Variants in HS6ST2 observed in about 807,000 individuals in gnomAD.
HS6ST2 encodes the protein heparan-sulfate 6-O-sulfotransferase 2.
HS6ST2 carries 17 observed loss-of-function variants against 33.0 expected under a neutral mutation model. The ratio of observed to expected loss-of-function variants is 0.52; its 90% CI spans 0.35 to 0.77. HS6ST2 has a LOEUF of 0.77. HS6ST2 is among the 30% of genes least tolerant of loss of function. The pLI, the probability that HS6ST2 is intolerant of heterozygous loss-of-function variation, is 0.01. For missense variants in HS6ST2, 519 were observed against 551.7 expected, an observed-to-expected ratio of 0.94 and a Z score of 0.59; for synonymous variants, 248 against 237.1, an observed-to-expected ratio of 1.05 and a Z score of -0.42.
At chrX:132,740,245 A>G (rs777026798) in intron 2 of HS6ST2, among the ~76,000 whole-genome samples, 1 of 112,707 alleles carries the variant, frequency 8.9e-6, no homozygotes, top group South Asian at 3.7e-4. Flanking sequence ...TTCATTGATT[A>G]CAAGTGAAGT....
rs1023191576 is a variant in HS6ST2 at position 132,817,417 on chromosome X, G to A, written c.948-108923C>T. Among the ~76,000 whole-genome samples, 5 of 111,432 alleles carry A rather than the reference G, an allele frequency of 4.5e-5. No homozygotes were observed. The Admixed American group carries it at 4.8e-4, about 11-fold the overall frequency. On this transcript the variant is annotated intron_variant, in intron 2 of 4. Coordinates refer to ENST00000370833, the MANE Select transcript of HS6ST2 (RefSeq NM_001394073.1). ...GAACAATCTAGTGAGCCAGTTGGGA[G>A]AAGAATGGGCTTGGAAATCAGTGTA...
chrX:132,633,859 C>T (rs2063535849), intron 4 of HS6ST2, among the ~76,000 whole-genome samples: 1 of 111,869 alleles, frequency 8.9e-6, no homozygotes, highest in Non-Finnish European at 1.9e-5. Context: ...TTTATTGGAA[C>T]ATGGCCTGCT....
intron 2 of HS6ST2, among the ~76,000 whole-genome samples, chrX:132,869,480 C>G (rs756382579): frequency 8.9e-6 from 1 of 111,872 alleles, no homozygotes; most frequent in African/African-American, 3.2e-5. Context: ...AAATTTCAGG[C>G]CAATATCCTT....
At chrX:132,956,250 G>A (rs1320653257) in intron 2 of HS6ST2, among the ~76,000 whole-genome samples, 1 of 109,540 alleles carries the variant, frequency 9.1e-6, no homozygotes, top group Admixed American at 9.7e-5. Flanking sequence ...GCGAGAGAGG[G>A]GAATGGAAAG....
intron 2 of HS6ST2, among the ~76,000 whole-genome samples, chrX:132,879,538 T>A (rs1186294814): frequency 8.9e-6 from 1 of 111,933 alleles, no homozygotes; most frequent in East Asian, 2.8e-4. Context: ...AAACCTATAC[T>A]ATTCAACCAC....
At chrX:132,839,720 G>A (rs747475499) in intron 2 of HS6ST2, among the ~76,000 whole-genome samples, 1 of 110,755 alleles carries the variant, frequency 9.0e-6, no homozygotes, top group East Asian at 2.9e-4. Context: ...TTACCTATGA[G>A]GATCAACAAT....
intron 4 of HS6ST2, among the ~76,000 whole-genome samples, chrX:132,649,999 A>G (rs1160325552): frequency 1.8e-5 from 2 of 111,835 alleles, no homozygotes; most frequent in East Asian, 5.6e-4. Context: ...ACTAGAAAGC[A>G]TTTATCAGTG....
At chrX:132,835,917 T>C in intron 2 of HS6ST2, among the ~76,000 whole-genome samples, 1 of 111,246 alleles carries the variant, frequency 9.0e-6, no homozygotes, top group Non-Finnish European at 1.9e-5. Context: ...CTGTCTGGGG[T>C]GGAGGGGGGA....
chrX:132,915,879 C>T (rs993174386), intron 2 of HS6ST2, among the ~76,000 whole-genome samples: 3 of 90,748 alleles, frequency 3.3e-5, no homozygotes, highest in African/African-American at 1.4e-4. Context: ...CAGGTGTGTG[C>T]CACCACGCCC....
At chrX:132,683,503 C>T (rs6638022) in intron 3 of HS6ST2, among the ~76,000 whole-genome samples, 1,556 of 111,926 alleles carry the variant, frequency 0.014, 30 homozygotes, top group African/African-American at 0.049. Flanking sequence ...AATCCTAGCA[C>T]CCGTAATTGC....
intron 2 of HS6ST2, among the ~76,000 whole-genome samples, chrX:132,910,806 A>G (rs910975121): frequency 2.7e-5 from 3 of 111,554 alleles, no homozygotes; most frequent in Non-Finnish European, 5.6e-5. Context: ...TGCCTCGGTA[A>G]ATACAAGCCT....
intron 2 of HS6ST2, among the ~76,000 whole-genome samples, chrX:132,824,349 G>A (rs182372434): frequency 1.1e-4 from 12 of 112,242 alleles, no homozygotes; most frequent in Admixed American, 2.8e-4. Flanking sequence ...GCAATGATAA[G>A]CAGCAAACAT....
intron 2 of HS6ST2, among the ~76,000 whole-genome samples, chrX:132,787,202 CATATATATATACACAT>C (rs1569490925): frequency 1.3e-4 from 9 of 66,683 alleles, no homozygotes; most frequent in African/African-American, 6.0e-4. Flanking sequence ...TATATATACA[CATATATATATACACAT>C]ATATATATAC....
chrX:132,831,342 G>A (rs769631133), intron 2 of HS6ST2, among the ~76,000 whole-genome samples: 6 of 110,954 alleles, frequency 5.4e-5, no homozygotes, highest in Non-Finnish European at 9.4e-5. Flanking sequence ...CCCTGGCATC[G>A]GTCTTCTAAT....
chrX:132,637,294 T>C (rs28568783), intron 4 of HS6ST2, among the ~76,000 whole-genome samples: 1 of 111,536 alleles, frequency 9.0e-6, no homozygotes, highest in African/African-American at 3.3e-5. Flanking sequence ...TGAGAATCAC[T>C]GTCCTAGGCA....
At chrX:132,735,001 G>A (rs1338148135) in intron 2 of HS6ST2, 1 of 111,197 alleles carries the variant, frequency 9.0e-6, no homozygotes, top group Non-Finnish European at 1.9e-5. Flanking sequence ...GGGGGGTGGT[G>A]GCTGGTGGTG....
At chrX:132,858,459 C>G (rs1345961588) in intron 2 of HS6ST2, among the ~76,000 whole-genome samples, 1 of 112,035 alleles carries the variant, frequency 8.9e-6, no homozygotes, top group Non-Finnish European at 1.9e-5. Context: ...CTCCTGTGTT[C>G]CTAACAAAGT....
At chrX:132,841,646 G>C (rs1379161473) in intron 2 of HS6ST2, among the ~76,000 whole-genome samples, 1 of 111,811 alleles carries the variant, frequency 8.9e-6, no homozygotes, top group Non-Finnish European at 1.9e-5. Context: ...TACTGTGACA[G>C]TTCTCAAAAG....
At chrX:132,894,858 A>G (rs991980782) in intron 2 of HS6ST2, among the ~76,000 whole-genome samples, 2 of 112,240 alleles carry the variant, frequency 1.8e-5, no homozygotes, top group Non-Finnish European at 3.8e-5. Context: ...ATAAAAGATC[A>G]TTAGGAAAGT....
Sources: gnomAD v4.1 joint callset for allele counts (sites outside exome capture counted in the v4.1 genomes callset) on GRCh38, gnomAD v4.1.1 for gene constraint, MANE v1.5 for transcripts, NCBI Gene and HGNC (gene_info 2026-07-23, HGNC 2026-07-21) for gene names.